The following SFMBT2 variants were observed in gnomAD, a reference collection of about 807,000 sequenced individuals.
The protein encoded by SFMBT2 is Scm like with four mbt domains 2.
SFMBT2 carries 38 observed loss-of-function variants against 110.1 expected under a neutral mutation model. That is an observed-to-expected ratio of 0.35 (90% CI 0.27 to 0.45). The LOEUF is 0.45. Ranked by LOEUF, SFMBT2 falls within the 20% of genes least tolerant of loss-of-function variation. The probability of loss-of-function intolerance (pLI) is 1.00; values close to 1 mark genes in which losing one functional copy is unlikely to be tolerated. For missense variants in SFMBT2, 1,011 were observed against 1,094.9 expected (o/e 0.92, Z 1.08); for synonymous variants, 425 against 425.4 (o/e 1.00, Z 0.01).
chr10:7,225,767 G>C (rs962494716), intron 10 of SFMBT2, among the ~76,000 whole-genome samples: 5 of 152,214 alleles, frequency 3.3e-5, no homozygotes, highest in Non-Finnish European at 7.3e-5. Flanking sequence ...GAAAGAGAGA[G>C]AGAAGGATTT....
intron 7 of SFMBT2, among the ~76,000 whole-genome samples, chr10:7,257,504 C>T (rs1236357301): frequency 6.6e-6 from 1 of 152,188 alleles, no homozygotes; most frequent in Non-Finnish European, 1.5e-5. Context: ...GGTGCCAAAG[C>T]TTCAGGGTGA....
intron 7 of SFMBT2, among the ~76,000 whole-genome samples, chr10:7,259,041 G>A (rs1202982278): frequency 6.6e-6 from 1 of 152,166 alleles, no homozygotes; most frequent in African/African-American, 2.4e-5. Context: ...ATCACAACCT[G>A]AACCACACAA....
intron 10 of SFMBT2, among the ~76,000 whole-genome samples, chr10:7,221,247 A>C (rs11255043): frequency 0.015 from 2,312 of 152,042 alleles, 21 homozygotes; most frequent in Non-Finnish European, 0.021. Flanking sequence ...CTTTACAGGA[A>C]ATGGGAAAAA....
intron 11 of SFMBT2, among the ~76,000 whole-genome samples, chr10:7,216,633 C>A (rs1377264399): frequency 6.6e-6 from 1 of 152,166 alleles, no homozygotes; most frequent in African/African-American, 2.4e-5. Flanking sequence ...CTGGCTAGTG[C>A]CCCGTTTGCT....
chr10:7,402,423 C>T (rs958759594), intron 1 of SFMBT2, among the ~76,000 whole-genome samples: 2 of 152,084 alleles, frequency 1.3e-5, no homozygotes, highest in African/African-American at 4.8e-5. Flanking sequence ...AGGGATTAGC[C>T]GGGGTCACAC....
Position 7,197,907 on chromosome 10 carries a change from C to T in SFMBT2, c.1559-220G>A, listed in dbSNP as rs542510092. ...CGTTAGAACTGTAATTAGGAGGCCA[C>T]ACTCTAGTTCCAAATCGTGACAAAG... On this transcript the variant is annotated intron_variant, in intron 14 of 20. Coordinates refer to ENST00000397167, the MANE Select transcript of SFMBT2 (RefSeq NM_001387889.1). The T allele has an allele frequency of 2.3e-4, 206 of 913,958 alleles. 1 individual carries two copies. In the Middle Eastern group the frequency reaches 0.01, roughly 45 times the overall value. 56.6% of individuals were successfully genotyped at this position (913,958 alleles called of 1,614,324 possible).
intron 1 of SFMBT2, among the ~76,000 whole-genome samples, chr10:7,393,072 G>A (rs1292750229): frequency 3.0e-5 from 4 of 132,084 alleles, no homozygotes; most frequent in East Asian, 2.3e-4. Flanking sequence ...TTGCTCCGTC[G>A]CCCAGGCTGG....
intron 1 of SFMBT2, among the ~76,000 whole-genome samples, chr10:7,384,927 A>G (rs1845547604): frequency 6.6e-6 from 1 of 152,152 alleles, no homozygotes; most frequent in Admixed American, 6.5e-5. Context: ...ACCTGCTCAC[A>G]CCTTGTCTCA....
At chr10:7,343,802 C>G (rs929880603) in intron 4 of SFMBT2, among the ~76,000 whole-genome samples, 2 of 152,086 alleles carry the variant, frequency 1.3e-5, no homozygotes, top group African/African-American at 2.4e-5. Flanking sequence ...AGAAGCAAAC[C>G]GTTAAGACCA....
At chr10:7,224,200 C>T (rs932977272) in intron 10 of SFMBT2, among the ~76,000 whole-genome samples, 5 of 152,120 alleles carry the variant, frequency 3.3e-5, no homozygotes, top group African/African-American at 1.2e-4. Flanking sequence ...AAAGTGTCAA[C>T]TTTTCTATTT....
rs973999450 is a variant in SFMBT2, at chr10:7,313,055, G to T, written c.437-27101C>A. Among the ~76,000 whole-genome samples the T allele has an allele frequency of 2.0e-5, 3 of 152,182 alleles. No homozygotes were observed. The East Asian group carries it at 5.8e-4, about 29-fold the overall frequency. ...TGACCTGCAGCCAGTATTCCCAGCA[G>T]CGTTATCCTCATAGCATCCACCACC... is the stretch of plus-strand genomic sequence containing the variant. On this transcript the variant is annotated intron_variant, in intron 4 of 20. Transcript: ENST00000397167.
chr10:7,200,869 TA>T, intron 13 of SFMBT2: 1 of 261,480 alleles, frequency 3.8e-6, no homozygotes, highest in Non-Finnish European at 6.0e-6. Flanking sequence ...CTTCGATGTC[TA>T]ATTGAAAACC....
rs529577493 is a variant in SFMBT2, at chr10:7,352,614, C to T, written c.436+15035G>A. Among the ~76,000 whole-genome samples the T allele has an allele frequency of 7.9e-5, 12 of 152,284 alleles. No individual in the cohort carries two copies. In the South Asian group the frequency reaches 1.2e-3, roughly 16 times the overall value. On this transcript the variant is annotated intron_variant, in intron 4 of 20. Transcript: ENST00000397167. Reference sequence around the variant, plus strand: ...CCACCCAGAATAGAGGAGTCATATTCCCCATGCCTCCAGAGATTAGAGTTT... The same window carrying T: ...CCACCCAGAATAGAGGAGTCATATTTCCCATGCCTCCAGAGATTAGAGTTT...
intron 2 of SFMBT2, among the ~76,000 whole-genome samples, chr10:7,375,103 C>G (rs767621750): frequency 6.6e-6 from 1 of 152,110 alleles, no homozygotes; most frequent in African/African-American, 2.4e-5. Flanking sequence ...GGAAAAGCTA[C>G]GAAGAAAATT....
intron 9 of SFMBT2, among the ~76,000 whole-genome samples, chr10:7,234,026 T>C (rs1840184893): frequency 6.6e-6 from 1 of 152,264 alleles, no homozygotes; most frequent in Non-Finnish European, 1.5e-5. Context: ...GACTAAAGCA[T>C]TTGTTCTTGT....
intron 13 of SFMBT2, 165 bp downstream of exon 13, chr10:7,202,315 A>G (rs573625362): frequency 1.7e-4 from 63 of 369,440 alleles, no homozygotes; most frequent in Admixed American, 1.4e-3. Flanking sequence ...TGTCTTGCAC[A>G]TAACAGGTAC....
chr10:7,366,029 G>A (rs868625267), intron 4 of SFMBT2, among the ~76,000 whole-genome samples: 12 of 152,240 alleles, frequency 7.9e-5, no homozygotes, highest in Middle Eastern at 3.4e-3. Flanking sequence ...AACACTGAAG[G>A]CGCAGGCAGC....
chr10:7,401,490 T>C (rs767287374), intron 1 of SFMBT2, among the ~76,000 whole-genome samples: 31 of 152,218 alleles, frequency 2.0e-4, no homozygotes, highest in Admixed American at 1.3e-4. Flanking sequence ...ATGATTAAAG[T>C]ATCTCCACAG....
chr10:7,407,562 G>T (rs866383159), intron 1 of SFMBT2, among the ~76,000 whole-genome samples: 49 of 152,300 alleles, frequency 3.2e-4, no homozygotes, highest in African/African-American at 9.6e-4. Flanking sequence ...AACCCGGCTC[G>T]GTTCGGCAAG....
Sources: gnomAD v4.1 joint callset for allele counts (sites outside exome capture counted in the v4.1 genomes callset) on GRCh38, gnomAD v4.1.1 for gene constraint, MANE v1.5 for transcripts, NCBI Gene and HGNC (gene_info 2026-07-23, HGNC 2026-07-21) for gene names.